The following TRIO variants were observed in gnomAD, a reference collection of about 807,000 sequenced individuals.
TRIO encodes the protein trio Rho guanine nucleotide exchange factor, also known as triple functional domain protein.
TRIO carries 58 observed loss-of-function variants against 351.9 expected under a neutral mutation model. The observed-to-expected ratio is 0.16, with a 90% CI of 0.13 to 0.21. TRIO has a LOEUF of 0.21. Among genes scored for constraint, TRIO ranks in the 10% least tolerant of loss-of-function variants. The probability of loss-of-function intolerance (pLI) is 1.00; values close to 1 mark genes in which losing one functional copy is unlikely to be tolerated. For missense variants in TRIO, 3,201 were observed against 4,027.8 expected (o/e 0.79, Z 5.56); for synonymous variants, 1,758 against 1,595.7 (o/e 1.10, Z -2.42).
At chr5:14,499,090 G>A (rs1757098916) in intron 53 of TRIO, 1 of 162,550 alleles carries the variant, frequency 6.2e-6, no homozygotes, top group Non-Finnish European at 1.4e-5. Flanking sequence ...GGAGATGTGG[G>A]TGAGTCCCGG....
rs529973814 is a variant in TRIO, at chr5:14,338,761, G to A, written c.2046+2034G>A. On this transcript the variant is annotated intron_variant, in intron 11 of 56. Coordinates refer to ENST00000344204, the MANE Select transcript of TRIO (RefSeq NM_007118.4). Reference sequence around the variant, plus strand: ...TGTAGATGCCATAAGGGAGAGGCAGGAAGAGTGTCAGGCAGCTGGGAGTGG... The same window carrying A: ...TGTAGATGCCATAAGGGAGAGGCAGAAAGAGTGTCAGGCAGCTGGGAGTGG... Among the ~76,000 whole-genome samples, 10 of 152,322 alleles carry A rather than the reference G, an allele frequency of 6.6e-5. No homozygotes were observed. The South Asian group carries it at 2.1e-3, about 32-fold the overall frequency.
At chr5:14,427,611 C>T (rs899885550) in intron 34 of TRIO, among the ~76,000 whole-genome samples, 1 of 152,182 alleles carries the variant, frequency 6.6e-6, no homozygotes, top group Non-Finnish European at 1.5e-5. Flanking sequence ...AGAGGGATGC[C>T]CTCCTTGGAG....
chr5:14,351,521 G>C (rs1053554271), intron 11 of TRIO, among the ~76,000 whole-genome samples: 1 of 152,208 alleles, frequency 6.6e-6, no homozygotes, highest in Non-Finnish European at 1.5e-5. Context: ...AAAAACAAGA[G>C]TAGGGAAACA....
rs764590474 is a variant in TRIO at position 14,487,982 on chromosome 5, G to A, written c.7354G>A (p.Gly2452Arg). 3.9e-6 allele frequency: 6 copies of A among 1,556,932 alleles called. No homozygotes were observed. The highest frequency in any genetic ancestry group is 3.5e-5 in the South Asian group (3 of 84,686). Residue 2452 changes from glycine to arginine, a missense_variant, in exon 48 of 57, where the codon GGG becomes AGG. Coordinates refer to ENST00000344204, the MANE Select transcript of TRIO (RefSeq NM_007118.4). The stretch of plus-strand genomic sequence containing the variant: ...CCTGCCGCTTGGGAAGCCCCGGGCC[G>A]GGGCCGCTTCGCCGCTGAACTCGCC... The part of the protein sequence containing the change: ...GTLPLGKPRA[G>R]AASPLNSPLS...
intron 1 of TRIO, among the ~76,000 whole-genome samples, chr5:14,186,108 G>A (rs992207442): frequency 2.0e-5 from 3 of 152,152 alleles, no homozygotes; most frequent in African/African-American, 7.2e-5. Flanking sequence ...ATGGGACTAT[G>A]CTGGAAAATA....
At chr5:14,393,056 GA>G (rs550792228) in intron 27 of TRIO, among the ~76,000 whole-genome samples, 6,212 of 96,966 alleles carry the variant, frequency 0.064, 366 homozygotes, top group African/African-American at 0.16. Flanking sequence ...CAAAAAGAAA[GA>G]AAAAAAAAAA....
chr5:14,411,106 G>C (rs1031254059), intron 33 of TRIO, among the ~76,000 whole-genome samples: 7 of 152,186 alleles, frequency 4.6e-5, no homozygotes, highest in Admixed American at 6.5e-5. Context: ...CACTGCAGGA[G>C]ATCCAGGCCC....
intron 7 of TRIO, among the ~76,000 whole-genome samples, chr5:14,300,635 C>G (rs1352655475): frequency 1.3e-5 from 2 of 152,066 alleles, no homozygotes; most frequent in Non-Finnish European, 2.9e-5. Context: ...TTTAGAGAAC[C>G]CTTTAACATG....
In TRIO at chr5:14,496,758, A is replaced by G. The variant is rs900514320; in HGVS notation, c.7881-121A>G. On this transcript the variant is annotated intron_variant, in intron 49 of 56. Coordinates refer to ENST00000344204, the MANE Select transcript of TRIO (RefSeq NM_007118.4). ...CTCTAACAGAGGTCACAGTTCGTAG[A>G]GGATTTCCCATCCCCCTGCACACAC... The G allele has an allele frequency of 3.0e-6, 4 of 1,315,960 alleles. No individual in the cohort carries two copies. The African/African-American group carries it at 4.5e-5, about 15-fold the overall frequency. The allele number at this position is 1,315,960 out of a possible 1,614,324, so 81.5% of individuals were successfully genotyped here.
rs563649414 is a variant in TRIO at position 14,444,398 on chromosome 5, A to C, written c.5204-16621A>C. ...TCACACAAGTTGCTGTGCAAACTAA[A>C]TTCTATCTCAAATCGTTTTTTGCCC... On this transcript the variant is annotated intron_variant, in intron 34 of 56. Transcript: ENST00000344204. Among the ~76,000 whole-genome samples, 9 of 152,342 alleles carry C rather than the reference A, an allele frequency of 5.9e-5. No homozygotes were observed. The South Asian group carries it at 1.9e-3, about 32-fold the overall frequency.
At position 14,216,071 on chromosome 5, in the gene TRIO, T is replaced by G. The variant is rs560615872; in HGVS notation, c.158-54754T>G. 1.7e-3 allele frequency among the ~76,000 whole-genome samples: 253 copies of G among 152,300 alleles called. 4 individuals carry two copies. Among genetic ancestry groups the G allele is most frequent in the African/African-American group, 5.9e-3 (244 of 41,552 alleles). ...TACTTCTTAGCGTTCTTGTGAGGAT[T>G]CAGTGAGATAATCCATGCAAAGCTT... On this transcript the variant is annotated intron_variant, in intron 1 of 56. Coordinates refer to ENST00000344204, the MANE Select transcript of TRIO (RefSeq NM_007118.4).
intron 21 of TRIO, among the ~76,000 whole-genome samples, chr5:14,382,579 C>T (rs1457596808): frequency 6.6e-6 from 1 of 152,218 alleles, no homozygotes; most frequent in Non-Finnish European, 1.5e-5. Context: ...TAGCTGCCCC[C>T]AGAGGCACAA....
chr5:14,342,543 G>A (rs1215345535), intron 11 of TRIO, among the ~76,000 whole-genome samples: 2 of 152,150 alleles, frequency 1.3e-5, no homozygotes, highest in East Asian at 3.9e-4. Flanking sequence ...TACTCTACAT[G>A]GAAATGACTC....
intron 48 of TRIO, 55 bp downstream of exon 48, chr5:14,488,315 C>T: frequency 6.6e-7 from 1 of 1,510,364 alleles, no homozygotes; most frequent in Non-Finnish European, 8.9e-7. Flanking sequence ...GTCCCGCCAG[C>T]TCTAAACGCC....
intron 34 of TRIO, among the ~76,000 whole-genome samples, chr5:14,430,167 G>A (rs1394045509): frequency 5.5e-5 from 8 of 146,262 alleles, no homozygotes; most frequent in Admixed American, 3.5e-4. Flanking sequence ...AAAACTTTGC[G>A]TGTAATGATA....
intron 9 of TRIO, among the ~76,000 whole-genome samples, chr5:14,327,181 T>C (rs558526166): frequency 9.8e-5 from 15 of 152,330 alleles, no homozygotes; most frequent in African/African-American, 2.9e-4. Flanking sequence ...TTGTTGTTGT[T>C]GAGATGGAGT....
chr5:14,342,225 C>G (rs977248278), intron 11 of TRIO, among the ~76,000 whole-genome samples: 4 of 152,246 alleles, frequency 2.6e-5, no homozygotes, highest in African/African-American at 9.6e-5. Context: ...TGCCTCTCCT[C>G]TGACCCTCAG....
At chr5:14,227,783 T>C (rs1277347600) in intron 1 of TRIO, among the ~76,000 whole-genome samples, 2 of 152,196 alleles carry the variant, frequency 1.3e-5, no homozygotes, top group African/African-American at 2.4e-5. Flanking sequence ...AATTTAGATA[T>C]AAAATTTAGG....
intron 34 of TRIO, among the ~76,000 whole-genome samples, chr5:14,455,431 G>A (rs1279037358): frequency 6.6e-6 from 1 of 151,696 alleles, no homozygotes; most frequent in Non-Finnish European, 1.5e-5. Flanking sequence ...ACACAGAGCA[G>A]CGATTGGTGC....
Sources: allele counts gnomAD v4.1 joint callset (sites outside exome capture counted in the v4.1 genomes callset), GRCh38; gene constraint gnomAD v4.1.1; transcripts MANE v1.5; gene names NCBI Gene and HGNC (gene_info 2026-07-23, HGNC 2026-07-21).